ACTL8: variants seen among roughly 807,000 people sequenced by gnomAD.
ACTL8 encodes actin-like protein 8.
In ACTL8, 3 loss-of-function variants were observed where a neutral mutation model predicts 9.3. The ratio of observed to expected loss-of-function variants is 0.32; its 90% CI spans 0.15 to 0.83. The LOEUF is 0.83. Among genes scored for constraint, ACTL8 ranks in the 40% least tolerant of loss-of-function variants. The probability of loss-of-function intolerance (pLI) is 0.57; values close to 1 mark genes in which losing one functional copy is unlikely to be tolerated. For synonymous variants in ACTL8, 224 were observed against 205.9 expected, an observed-to-expected ratio of 1.09 and a Z score of -0.75; for missense variants, 381 against 492.2, an observed-to-expected ratio of 0.77 and a Z score of 2.14.
rs2053685267 is a variant in ACTL8, at chr1:17,823,768, A to C, written c.348+412A>C. Among the ~76,000 whole-genome samples, 1 of 151,940 alleles carries C rather than the reference A, an allele frequency of 6.6e-6. No individual in the cohort carries two copies. Among genetic ancestry groups the C allele is most frequent in the Non-Finnish European group, 1.5e-5 (1 of 68,008 alleles). ...CAAAAAAACCCAACAGAAACCAACA[A>C]ATTGCCCCACAAACATTTCCCAAGA... On this transcript the variant is annotated intron_variant, in intron 2 of 2. Coordinates refer to ENST00000375406, the MANE Select transcript of ACTL8 (RefSeq NM_030812.3). The surrounding 1 kb of genome is among the most constrained non-coding windows in gnomAD (Gnocchi z 5.3).
At chr1:17,818,341 C>T (rs1347329625) in intron 1 of ACTL8, among the ~76,000 whole-genome samples, 1 of 152,212 alleles carries the variant, frequency 6.6e-6, no homozygotes, top group African/African-American at 2.4e-5. Context: ...CACCTTTCAC[C>T]TCCTGTAATC....
chr1:17,797,519 A>G (rs1441958816), intron 1 of ACTL8, among the ~76,000 whole-genome samples: 1 of 152,178 alleles, frequency 6.6e-6, no homozygotes, highest in African/African-American at 2.4e-5. Context: ...TAGCCTTCTC[A>G]GGATCTTTAA....
rs180855574 is a variant in ACTL8 at position 17,799,340 on chromosome 1, A to T, written c.-24-23645A>T. The stretch of plus-strand genomic sequence containing the variant: ...TATGTGTAAAACATCTCATCCCTTT[A>T]CTGTGTGTGTTGCTGATCAATGTAT... On this transcript the variant is annotated intron_variant, in intron 1 of 2. Coordinates refer to ENST00000375406, the MANE Select transcript of ACTL8 (RefSeq NM_030812.3). Among the ~76,000 whole-genome samples, 6 of 151,964 alleles carry T rather than the reference A, an allele frequency of 3.9e-5. No individual in the cohort carries two copies. In the East Asian group the frequency reaches 1.2e-3, roughly 29 times the overall value.
At chr1:17,800,583 CTTT>C (rs59143238) in intron 1 of ACTL8, among the ~76,000 whole-genome samples, 907 of 68,952 alleles carry the variant, frequency 0.013, 5 homozygotes, top group African/African-American at 0.056. Context: ...TGGTGTCAAT[CTTT>C]TTTTTTTTTT....
intron 1 of ACTL8, among the ~76,000 whole-genome samples, chr1:17,797,276 C>G (rs767354004): frequency 2.5e-4 from 38 of 152,124 alleles, no homozygotes; most frequent in Non-Finnish European, 4.3e-4. Flanking sequence ...CGATGTTGTG[C>G]CCAAGCCCTG....
At chr1:17,798,015 A>G (rs1369957936) in intron 1 of ACTL8, among the ~76,000 whole-genome samples, 3 of 152,270 alleles carry the variant, frequency 2.0e-5, no homozygotes, top group African/African-American at 7.2e-5. Context: ...GTCTCCCTCC[A>G]TAAAGGCGTT....
In ACTL8 at chr1:17,818,561, A is replaced by G. The variant is rs372212822; in HGVS notation, c.-24-4424A>G. Among the ~76,000 whole-genome samples, 600 of 152,348 alleles carry G rather than the reference A, an allele frequency of 3.9e-3. 1 individual carries two copies. The highest frequency in any genetic ancestry group is 6.1e-3 in the Non-Finnish European group (417 of 68,030). On this transcript the variant is annotated intron_variant, in intron 1 of 2. Coordinates refer to ENST00000375406, the MANE Select transcript of ACTL8 (RefSeq NM_030812.3). ...CTACACAGGCCTGCTGGCTGATCCTAGAACTCATCTGACCTTGTCTTCCTC... is the reference window on the plus strand; with the variant it reads ...CTACACAGGCCTGCTGGCTGATCCTGGAACTCATCTGACCTTGTCTTCCTC...
intron 1 of ACTL8, among the ~76,000 whole-genome samples, chr1:17,770,232 G>T (rs1451290977): frequency 6.6e-6 from 1 of 152,152 alleles, no homozygotes; most frequent in African/African-American, 2.4e-5. Flanking sequence ...TGCAGACTTA[G>T]CCTAGCCTAG....
intron 1 of ACTL8, among the ~76,000 whole-genome samples, chr1:17,763,587 C>T (rs1307469701): frequency 6.6e-6 from 1 of 152,190 alleles, no homozygotes; most frequent in Non-Finnish European, 1.5e-5. Context: ...CTGCAGATCC[C>T]CCTGCTGGCT....
Position 17,826,109 on chromosome 1 carries a change from G to A in ACTL8, c.691G>A (p.Ala231Thr). Residue 231 changes from alanine to threonine, a missense_variant, in exon 3 of 3, where the codon GCC becomes ACC. This residue lies in a region of ACTL8 where 243 missense variants were observed against 276.2 expected (regional missense o/e 0.88). Transcript: ENST00000375406. This position sits in a 1 kb window ranked among gnomAD's most constrained non-coding sequence, Gnocchi z 4.5. ...ALDFRERQQS[A>T]LDESNTYQLP... Reference sequence around the variant, plus strand: ...GGACTTTCGTGAGAGGCAGCAGAGTGCCTTGGATGAGAGCAACACCTATCA... The same window carrying A: ...GGACTTTCGTGAGAGGCAGCAGAGTACCTTGGATGAGAGCAACACCTATCA... The A allele has an allele frequency of 6.2e-7, 1 of 1,610,072 alleles. No individual in the cohort carries two copies. The highest frequency in any genetic ancestry group is 8.5e-7 in the Non-Finnish European group (1 of 1,179,370).
intron 1 of ACTL8, among the ~76,000 whole-genome samples, chr1:17,792,541 G>A (rs937176152): frequency 6.6e-6 from 1 of 152,076 alleles, no homozygotes; most frequent in African/African-American, 2.4e-5. Context: ...TGCTGTCTTC[G>A]GGCCTCAGAT....
At chr1:17,813,673 G>T (rs1228105427) in intron 1 of ACTL8, among the ~76,000 whole-genome samples, 1 of 152,088 alleles carries the variant, frequency 6.6e-6, no homozygotes, top group East Asian at 1.9e-4. Context: ...TTGCTTTCTG[G>T]GAGAGATTGT....
Position 17,755,760 on chromosome 1 carries a change from C to A in ACTL8, c.-25+256C>A, listed in dbSNP as rs541986112. Among the ~76,000 whole-genome samples, 5 of 152,178 alleles carry A rather than the reference C, an allele frequency of 3.3e-5. No homozygotes were observed. In the South Asian group the frequency reaches 1.0e-3, roughly 31 times the overall value. On this transcript the variant is annotated intron_variant, in intron 1 of 2. Transcript: ENST00000375406. The stretch of plus-strand genomic sequence containing the variant: ...TCTTCCATAGCGGCTGTACCTCAGC[C>A]ACATGTGTGGGACTGGGGGCCCTTC...
rs748715490 is a variant in ACTL8, at chr1:17,826,003, A to T, written c.585A>T (p.Arg195Ser). ...GTCTCTTTAAGGAAGATTGCGATAG[A>T]CGCTGCCTGTTTCAGCTGGAGACAG... ...LKSLFKEDCDRRCLFQLETVA... is the reference protein window; with the variant it reads ...LKSLFKEDCDSRCLFQLETVA... Residue 195 changes from arginine to serine, a missense_variant, in exon 3 of 3, where the codon AGA becomes AGT. Arg to Ser is a moderately radical substitution (Grantham distance 110). Around this residue, in one of 3 missense-constraint regions of ACTL8, gnomAD observed 243 missense variants for 276.2 expected, o/e 0.88. Coordinates refer to ENST00000375406, the MANE Select transcript of ACTL8 (RefSeq NM_030812.3). The surrounding 1 kb of genome is among the most constrained non-coding windows in gnomAD (Gnocchi z 4.5). 1.2e-6 allele frequency: 2 copies of T among 1,607,804 alleles called. No homozygotes were observed. The highest frequency in any genetic ancestry group is 3.3e-5 in the Admixed American group (2 of 60,018).
intron 1 of ACTL8, among the ~76,000 whole-genome samples, chr1:17,797,974 C>G (rs1412867008): frequency 6.6e-6 from 1 of 152,066 alleles, no homozygotes; most frequent in Non-Finnish European, 1.5e-5. Context: ...GAAATGCTGT[C>G]GAATCTGAGT....
intron 1 of ACTL8, among the ~76,000 whole-genome samples, chr1:17,764,050 G>A (rs575738117): frequency 1.3e-4 from 20 of 152,246 alleles, no homozygotes; most frequent in African/African-American, 4.6e-4. Context: ...AAGCAGCTCT[G>A]TGTTGAGCTG....
At chr1:17,777,074 C>T (rs1008737960) in intron 1 of ACTL8, among the ~76,000 whole-genome samples, 1 of 147,370 alleles carries the variant, frequency 6.8e-6, no homozygotes, top group African/African-American at 2.5e-5. Flanking sequence ...AGTGATCCTC[C>T]TGCCTTAGCC....
chr1:17,809,476 G>A (rs544195944), intron 1 of ACTL8, among the ~76,000 whole-genome samples: 5 of 152,118 alleles, frequency 3.3e-5, no homozygotes, highest in African/African-American at 9.7e-5. Context: ...AGGAAAGGCC[G>A]TGGCCTGTTG....
At chr1:17,825,615 T>G in intron 2 of ACTL8, 152 bp from the exon 3 acceptor site, 1 of 1,003,668 alleles carries the variant, frequency 1.0e-6, no homozygotes, top group Non-Finnish European at 1.4e-6. Context: ...AGCTGCTGCA[T>G]TATCCTCACT....
Sources: gnomAD v4.1 joint callset for allele counts (sites outside exome capture counted in the v4.1 genomes callset) on GRCh38, gnomAD v4.1.1 for gene constraint, gnomAD v4.1.1 regional missense constraint, Gnocchi (gnomAD v3.1) non-coding constraint, MANE v1.5 for transcripts, NCBI Gene and HGNC (gene_info 2026-07-23, HGNC 2026-07-21) for gene names.